The following RAD51C variants were observed in gnomAD, a reference collection of about 807,000 sequenced individuals.
RAD51C encodes the protein DNA repair protein RAD51 homolog 3.
Under a neutral mutation model 45.0 loss-of-function variants are expected in RAD51C, and 42 were observed. The ratio of observed to expected loss-of-function variants is 0.93; its 90% CI spans 0.73 to 1.21. The LOEUF (loss-of-function observed/expected upper bound fraction) is 1.21, where lower values mean the gene tolerates loss of function less well. RAD51C is among the 50% of genes most tolerant of loss of function. The pLI, the probability that RAD51C is intolerant of heterozygous loss-of-function variation, is 0.00. For missense variants in RAD51C, 474 were observed against 452.2 expected (o/e 1.05, Z -0.44); for synonymous variants, 172 against 159.8 (o/e 1.08, Z -0.58).
In RAD51C at chr17:58,724,021, T is replaced by C. The variant is rs368114768; in HGVS notation, c.905-19T>C. 5.6e-5 allele frequency: 90 copies of C among 1,598,884 alleles called. No homozygotes were observed. The highest frequency in any genetic ancestry group is 6.9e-5 in the Non-Finnish European group (81 of 1,166,312). On this transcript the variant is annotated intron_variant, in intron 6 of 8. Transcript: ENST00000337432. ...AAGTCAGTAAGGCCATATACAGTTA[T>C]TATGTTTTTTACTCTCAGGGGAAAG...
intron 5 of RAD51C, among the ~76,000 whole-genome samples, chr17:58,713,506 A>G (rs1298210895): frequency 6.6e-6 from 1 of 151,880 alleles, no homozygotes; most frequent in African/African-American, 2.4e-5. Context: ...ACACCCAGCC[A>G]ATTTTTAAAT....
chr17:58,734,088 A>G, intron 8 of RAD51C, 30 bp from the exon 9 acceptor site: 3 of 1,591,914 alleles, frequency 1.9e-6, no homozygotes, highest in Non-Finnish European at 2.6e-6. Flanking sequence ...TTCTTAAAGC[A>G]TATTTGTATA....
At chr17:58,699,294 C>T (rs1265328672) in intron 3 of RAD51C, among the ~76,000 whole-genome samples, 7 of 152,208 alleles carry the variant, frequency 4.6e-5, no homozygotes, top group Non-Finnish European at 4.4e-5. Flanking sequence ...GCATGAGCTA[C>T]AGCGCCCGGC....
At chr17:58,733,212 C>T (rs1385442189) in intron 8 of RAD51C, among the ~76,000 whole-genome samples, 3 of 152,240 alleles carry the variant, frequency 2.0e-5, no homozygotes, top group South Asian at 2.1e-4. Flanking sequence ...GATGGGGTTT[C>T]GCCATGTTGG....
intron 3 of RAD51C, among the ~76,000 whole-genome samples, chr17:58,701,230 G>A (rs961536591): frequency 6.9e-5 from 2 of 28,844 alleles, no homozygotes; most frequent in Non-Finnish European, 1.3e-4. Flanking sequence ...GTAACTGGCC[G>A]GGTGTGGTGA....
At position 58,696,719 on chromosome 17, in the gene RAD51C, T is replaced by C. The variant is rs28363307; in HGVS notation, c.431T>C (p.Ile144Thr). 1.4e-4 allele frequency: 229 copies of C among 1,614,096 alleles called. No homozygotes were observed. The Middle Eastern group carries it at 2.8e-3, about 20-fold the overall frequency. Reference sequence around the variant, plus strand: ...ATGCAGTTGGCAGTAGATGTGCAGATACCAGAATGTTTTGGAGGAGTGGCA... The same window carrying C: ...ATGCAGTTGGCAGTAGATGTGCAGACACCAGAATGTTTTGGAGGAGTGGCA... ...LCMQLAVDVQ[I>T]PECFGGVAGE... Residue 144 changes from isoleucine to threonine, a missense_variant, in exon 3 of 9, where the codon ATA (isoleucine) becomes ACA (threonine). Physicochemically the swap from Ile to Thr is moderately conservative, Grantham distance 89. Transcript: ENST00000337432.
Position 58,732,536 on chromosome 17 carries a change from C to T in RAD51C, c.1018C>T (p.Gln340Ter), listed in dbSNP as rs1555605103. The T allele has an allele frequency of 6.2e-7, 1 of 1,612,226 alleles. No homozygotes were observed. The highest frequency in any genetic ancestry group is 8.5e-7 in the Non-Finnish European group (1 of 1,178,454). The part of the protein sequence containing the change: ...PSQKECTVLF[Q>*]IKPQGFRDTV... ...CCAGAAGGAATGCACAGTACTGTTT[C>T]AAATCAAAGTCAGTATTATTTGATT... The change falls in exon 8 of 9, where the codon CAA becomes TAA. Residue 340 changes from glutamine (Q) to a stop codon, truncating the protein, a stop_gained. Transcript: ENST00000337432. LOFTEE classifies it high-confidence loss of function.
chr17:58,711,223 C>G (rs533179342), intron 5 of RAD51C, among the ~76,000 whole-genome samples: 1 of 152,102 alleles, frequency 6.6e-6, no homozygotes, highest in Non-Finnish European at 1.5e-5. Context: ...TTCACCTTTT[C>G]CGACTAAAAA....
chr17:58,706,146 TGGCCAGGCAC>T (rs1225828030), intron 4 of RAD51C: 3 of 152,482 alleles, frequency 2.0e-5, no homozygotes, highest in African/African-American at 7.2e-5. Context: ...AATCCTTTGC[TGGCCAGGCAC>T]GGTGGCTCAT....
intron 7 of RAD51C, among the ~76,000 whole-genome samples, chr17:58,730,936 T>C (rs1567816261): frequency 6.6e-6 from 1 of 152,180 alleles, no homozygotes; most frequent in Non-Finnish European, 1.5e-5. Flanking sequence ...AAATGCTAAC[T>C]CATTCTTTTT....
rs185017456 is a variant in RAD51C, at chr17:58,696,004, T to C, written c.405-689T>C. Among the ~76,000 whole-genome samples, 738 of 150,588 alleles carry C rather than the reference T, an allele frequency of 4.9e-3. 4 individuals carry two copies. The highest frequency in any genetic ancestry group is 6.4e-3 in the African/African-American group (262 of 40,934). The stretch of plus-strand genomic sequence containing the variant: ...ATCGCTTGTACTTGGGAGGTGGAGG[T>C]TGCAGTGAGCCGAGATCATGCCACT... On this transcript the variant is annotated intron_variant, in intron 2 of 8. Transcript: ENST00000337432.
intron 1 of RAD51C, chr17:58,694,705 C>T: frequency 1.9e-6 from 1 of 513,894 alleles, no homozygotes; most frequent in Non-Finnish European, 3.5e-6. Flanking sequence ...CAACTCCTGA[C>T]CTCAGGTGAT....
chr17:58,715,130 T>TAA (rs1244626632), intron 5 of RAD51C, among the ~76,000 whole-genome samples: 4 of 134,980 alleles, frequency 3.0e-5, no homozygotes, highest in East Asian at 2.2e-4. Context: ...TCCAGATTAT[T>TAA]AAAAAAAAAA....
intron 5 of RAD51C, among the ~76,000 whole-genome samples, chr17:58,710,825 T>G (rs1014321304): frequency 6.6e-6 from 1 of 152,108 alleles, no homozygotes; most frequent in Non-Finnish European, 1.5e-5. Context: ...CCTCTTTAAC[T>G]GCTTGTTTGC....
chr17:58,729,134 T>G (rs987784302), intron 7 of RAD51C, among the ~76,000 whole-genome samples: 4 of 152,234 alleles, frequency 2.6e-5, no homozygotes, highest in African/African-American at 9.6e-5. Flanking sequence ...TTTGGTTTAG[T>G]TTTCATTTTA....
At chr17:58,717,746 A>C (rs1015391018) in intron 5 of RAD51C, among the ~76,000 whole-genome samples, 4 of 152,182 alleles carry the variant, frequency 2.6e-5, no homozygotes, top group African/African-American at 9.6e-5. Context: ...AAAGAAAAAA[A>C]GAAAAAGAAA....
intron 3 of RAD51C, among the ~76,000 whole-genome samples, chr17:58,702,872 T>A (rs575802659): frequency 5.0e-4 from 76 of 151,862 alleles, no homozygotes; most frequent in Non-Finnish European, 1.0e-3. Context: ...CTAAACAGAT[T>A]AAGAGAGACA....
intron 8 of RAD51C, chr17:58,732,916 C>T: frequency 4.8e-6 from 1 of 209,702 alleles, no homozygotes; most frequent in South Asian, 9.2e-5. Flanking sequence ...CAAATATAGC[C>T]CACTTTAAGA....
intron 7 of RAD51C, among the ~76,000 whole-genome samples, chr17:58,730,079 C>A (rs1332733474): frequency 6.6e-6 from 1 of 151,294 alleles, no homozygotes; most frequent in Non-Finnish European, 1.5e-5. Context: ...CCTTGCCTCT[C>A]TTTTTCTGTG....
Sources: gnomAD v4.1 joint callset for allele counts (sites outside exome capture counted in the v4.1 genomes callset) on GRCh38, gnomAD v4.1.1 for gene constraint, MANE v1.5 for transcripts, NCBI Gene and HGNC (gene_info 2026-07-23, HGNC 2026-07-21) for gene names.